CDS1: variants seen among roughly 807,000 people sequenced by gnomAD.
CDS1 encodes phosphatidate cytidylyltransferase 1.
Under a neutral mutation model 62.1 loss-of-function variants are expected in CDS1, and 41 were observed. The ratio of observed to expected loss-of-function variants is 0.66; its 90% CI spans 0.51 to 0.86. The LOEUF is 0.86. Among genes scored for constraint, CDS1 ranks in the 40% least tolerant of loss-of-function variants. The probability of loss-of-function intolerance (pLI) is 0.00; values close to 1 mark genes in which losing one functional copy is unlikely to be tolerated. For synonymous variants in CDS1, 185 were observed against 192.6 expected, an observed-to-expected ratio of 0.96 and a Z score of 0.32; for missense variants, 470 against 550.1, an observed-to-expected ratio of 0.85 and a Z score of 1.46.
At chr4:84,642,970 A>G (rs943354531) in intron 10 of CDS1, 54 bp from the exon 11 acceptor site, 2 of 1,553,096 alleles carry the variant, frequency 1.3e-6, no homozygotes, top group Non-Finnish European at 1.8e-6. Context: ...TGGTATGCTC[A>G]AATACAATTT....
chr4:84,619,550 T>C lies in CDS1; in HGVS notation c.580+17T>C. The C allele has an allele frequency of 1.4e-5, 21 of 1,464,080 alleles. No homozygotes were observed. Among genetic ancestry groups the C allele is most frequent in the Non-Finnish European group, 1.9e-5 (20 of 1,068,786 alleles). 90.7% of individuals were successfully genotyped at this position (1,464,080 alleles called of 1,614,324 possible). A position where few individuals can be genotyped will look rare whatever the true frequency, so the allele number is the denominator to read the frequency against. ...ATCTGGCAGGTAAGTTAAGGAATATTCTGTATTGATATATAGTTAACATAT... is the reference window on the plus strand; with the variant it reads ...ATCTGGCAGGTAAGTTAAGGAATATCCTGTATTGATATATAGTTAACATAT... On this transcript the variant is annotated intron_variant, in intron 5 of 12. Coordinates refer to ENST00000295887, the MANE Select transcript of CDS1 (RefSeq NM_001263.4).
intron 5 of CDS1, among the ~76,000 whole-genome samples, chr4:84,628,212 C>T (rs1357888703): frequency 6.6e-6 from 1 of 152,104 alleles, no homozygotes; most frequent in Non-Finnish European, 1.5e-5. Flanking sequence ...ATCTTGGGCC[C>T]ATCCTACTGT....
intron 1 of CDS1, among the ~76,000 whole-genome samples, chr4:84,589,305 A>G (rs751635042): frequency 7.2e-5 from 11 of 152,176 alleles, no homozygotes; most frequent in Non-Finnish European, 1.5e-4. Flanking sequence ...GCCCTGGGAT[A>G]CAATCCGAGA....
At position 84,604,259 on chromosome 4, in the gene CDS1, A is replaced by T. The variant is rs999268880; in HGVS notation, c.134A>T (p.Asp45Val). 6.2e-7 allele frequency: 1 copy of T among 1,609,516 alleles called. No individual in the cohort carries two copies. Among genetic ancestry groups the T allele is most frequent in the Non-Finnish European group, 8.5e-7 (1 of 1,178,586 alleles). The part of the protein sequence containing the change: ...STSDKETDID[D>V]RYGDLDSRTD... ...TAATTTTAGGAAACAGATATTGATG[A>T]CAGATATGGAGATTTGGATTCCAGA... Residue 45 changes from aspartate to valine, a missense_variant, in exon 2 of 13, where the codon GAC becomes GTC. Physicochemically the swap from Asp to Val is radical, Grantham distance 152. Transcript: ENST00000295887.
In CDS1 at chr4:84,640,473, A is replaced by G. The variant is rs569787670; in HGVS notation, c.880-365A>G. Among the ~76,000 whole-genome samples, 8 of 152,150 alleles carry G rather than the reference A, an allele frequency of 5.3e-5. No individual in the cohort carries two copies. In the South Asian group the frequency reaches 1.5e-3, roughly 28 times the overall value. ...AACAATGGTGTTTTTAACCTGTACT[A>G]TTTTGTACTATTTTATTGTAATTTT... On this transcript the variant is annotated intron_variant, in intron 9 of 12. Transcript: ENST00000295887.
intron 3 of CDS1, among the ~76,000 whole-genome samples, chr4:84,615,059 T>G (rs1723445567): frequency 6.6e-6 from 1 of 152,178 alleles, no homozygotes; most frequent in African/African-American, 2.4e-5. Flanking sequence ...CTGTGTGCCC[T>G]GAGTGCTTTT....
intron 3 of CDS1, among the ~76,000 whole-genome samples, chr4:84,613,817 T>TC (rs1560472610): frequency 2.6e-5 from 4 of 152,048 alleles, no homozygotes; most frequent in Admixed American, 1.3e-4. Flanking sequence ...AGAGGTTTTT[T>TC]CCCCCCCTGC....
intron 1 of CDS1, among the ~76,000 whole-genome samples, chr4:84,587,870 T>C (rs991203332): frequency 2.0e-5 from 3 of 151,824 alleles, no homozygotes; most frequent in African/African-American, 7.2e-5. Flanking sequence ...TCAGAGAGAA[T>C]AGATGGTGAA....
rs1359429450 is a variant in CDS1 at position 84,583,352 on chromosome 4, C to T, written c.-50C>T. On this transcript the variant is annotated 5_prime_UTR_variant, in exon 1 of 13. Coordinates refer to ENST00000295887, the MANE Select transcript of CDS1 (RefSeq NM_001263.4). ...CGCCTGCAGAACCCTGCTTGCAGCT[C>T]AGGTTTCGGGGTGCTTGAGGAGGCC... 7.3e-7 allele frequency: 1 copy of T among 1,364,330 alleles called. No individual in the cohort carries two copies. The highest frequency in any genetic ancestry group is 1.0e-6 in the Non-Finnish European group (1 of 964,528). 84.5% of individuals were successfully genotyped at this position (1,364,330 alleles called of 1,614,324 possible).
At chr4:84,603,366 TC>T (rs1722994623) in intron 1 of CDS1, among the ~76,000 whole-genome samples, 1 of 152,168 alleles carries the variant, frequency 6.6e-6, no homozygotes, top group Non-Finnish European at 1.5e-5. Flanking sequence ...TAAGCCATTC[TC>T]CCAAGGTTTC....
intron 5 of CDS1, among the ~76,000 whole-genome samples, chr4:84,626,918 TTAGTGGC>T (rs1723880633): frequency 6.6e-6 from 1 of 152,190 alleles, no homozygotes; most frequent in Non-Finnish European, 1.5e-5. Flanking sequence ...TCTTGAGGCC[TTAGTGGC>T]TACTCTTGAA....
At chr4:84,614,385 A>C (rs1578033338) in intron 3 of CDS1, among the ~76,000 whole-genome samples, 1 of 152,212 alleles carries the variant, frequency 6.6e-6, no homozygotes, top group Admixed American at 6.5e-5. Flanking sequence ...TGAATATCTG[A>C]ATTCATTCAG....
At chr4:84,588,154 T>C (rs1166671972) in intron 1 of CDS1, among the ~76,000 whole-genome samples, 2 of 152,148 alleles carry the variant, frequency 1.3e-5, no homozygotes, top group African/African-American at 4.8e-5. Flanking sequence ...GGGTGCACAT[T>C]GAGGCTGTGG....
intron 3 of CDS1, among the ~76,000 whole-genome samples, chr4:84,617,093 G>A (rs1157295009): frequency 1.3e-5 from 2 of 152,302 alleles, no homozygotes; most frequent in African/African-American, 4.8e-5. Flanking sequence ...TGTCCTGACA[G>A]TATCTTTATT....
intron 1 of CDS1, among the ~76,000 whole-genome samples, chr4:84,603,866 C>T (rs949214476): frequency 5.9e-5 from 9 of 152,128 alleles, no homozygotes; most frequent in Admixed American, 1.3e-4. Context: ...ACTGTTGATG[C>T]TTTAATTGAA....
chr4:84,639,981 T>C (rs1290590752), intron 9 of CDS1, among the ~76,000 whole-genome samples: 1 of 151,572 alleles, frequency 6.6e-6, no homozygotes, highest in Non-Finnish European at 1.5e-5. Context: ...TGAAGCTAAA[T>C]AGTGTAAGAA....
At chr4:84,627,012 T>C (rs895835612) in intron 5 of CDS1, among the ~76,000 whole-genome samples, 1 of 152,206 alleles carries the variant, frequency 6.6e-6, no homozygotes, top group Non-Finnish European at 1.5e-5. Flanking sequence ...ATAGAAAGTA[T>C]GCTAACATTG....
chr4:84,615,701 G>A (rs1015767989), intron 3 of CDS1, among the ~76,000 whole-genome samples: 5 of 152,092 alleles, frequency 3.3e-5, no homozygotes, highest in African/African-American at 1.2e-4. Flanking sequence ...GATGCCCTAT[G>A]TTATTTCTAT....
chr4:84,646,828 T>C (rs577707815), intron 12 of CDS1, among the ~76,000 whole-genome samples: 2 of 152,300 alleles, frequency 1.3e-5, no homozygotes, highest in South Asian at 4.1e-4. Context: ...TTTTTGTGTT[T>C]GTTTGGTCCG....
Sources: allele counts gnomAD v4.1 joint callset (sites outside exome capture counted in the v4.1 genomes callset), GRCh38; gene constraint gnomAD v4.1.1; transcripts MANE v1.5; gene names NCBI Gene and HGNC (gene_info 2026-07-23, HGNC 2026-07-21).